The following TRAPPC9 variants were observed in gnomAD, a reference collection of about 807,000 sequenced individuals.
TRAPPC9 encodes the protein trafficking protein particle complex subunit 9, also known as IKK2 binding protein.
Under a neutral mutation model 124.0 loss-of-function variants are expected in TRAPPC9, and 83 were observed. The ratio of observed to expected loss-of-function variants is 0.67; its 90% CI spans 0.56 to 0.80. The LOEUF (loss-of-function observed/expected upper bound fraction) is 0.80. Among genes scored for constraint, TRAPPC9 ranks in the 30% least tolerant of loss-of-function variants. TRAPPC9 has a pLI of 0.00. For synonymous variants in TRAPPC9, 638 were observed against 617.5 expected, an observed-to-expected ratio of 1.03 and a Z score of -0.49; for missense variants, 1,302 against 1,508.3, an observed-to-expected ratio of 0.86 and a Z score of 2.27.
chr8:140,078,794 C>G (rs1843651870), intron 17 of TRAPPC9, among the ~76,000 whole-genome samples: 2 of 152,168 alleles, frequency 1.3e-5, no homozygotes, highest in South Asian at 4.1e-4. Context: ...GCCACCTCCC[C>G]TCCCTGCCCC....
intron 6 of TRAPPC9, among the ~76,000 whole-genome samples, chr8:140,405,008 T>A (rs1323224768): frequency 6.6e-6 from 1 of 151,678 alleles, no homozygotes; most frequent in Non-Finnish European, 1.5e-5. Context: ...ACCAAGTTGT[T>A]AATAAGAGTA....
intron 15 of TRAPPC9, among the ~76,000 whole-genome samples, chr8:140,265,946 TAAAC>T (rs2064637572): frequency 6.6e-6 from 1 of 152,252 alleles, no homozygotes; most frequent in Admixed American, 6.5e-5. Flanking sequence ...GTTAAAATAT[TAAAC>T]AGAAGAATGA....
chr8:140,319,719 C>A (rs1329489967), intron 9 of TRAPPC9, among the ~76,000 whole-genome samples: 1 of 152,196 alleles, frequency 6.6e-6, no homozygotes, highest in Non-Finnish European at 1.5e-5. Context: ...CCACCCACCT[C>A]GGCCTCCCAA....
In TRAPPC9 at chr8:140,316,575, G is replaced by A. The variant is rs186933166; in HGVS notation, c.1496-5201C>T. On this transcript the variant is annotated intron_variant, in intron 9 of 22. Coordinates refer to ENST00000438773, the MANE Select transcript of TRAPPC9 (RefSeq NM_001160372.4). ...GTCACATCTATGTTCAACCATGTTC[G>A]CATCCCTGGGATGAATTCCACTTGA... Among the ~76,000 whole-genome samples, 181 of 152,242 alleles carry A rather than the reference G, an allele frequency of 1.2e-3. 1 individual carries two copies. The highest frequency in any genetic ancestry group is 3.9e-3 in the African/African-American group (161 of 41,550).
intron 19 of TRAPPC9, among the ~76,000 whole-genome samples, chr8:139,922,659 C>G (rs924798349): frequency 6.6e-6 from 1 of 152,214 alleles, no homozygotes; most frequent in Non-Finnish European, 1.5e-5. Flanking sequence ...TGAGGCAGGG[C>G]TTCCTCCCCC....
rs2070705870 is a variant in TRAPPC9 at position 140,433,127 on chromosome 8, C to G, written c.859+1985G>C. Reference sequence around the variant, plus strand: ...GACTAGCCTGGCCAACATGGCGAAACCTCGTCTCTACAAAAATTAGCTGGG... The same window carrying G: ...GACTAGCCTGGCCAACATGGCGAAAGCTCGTCTCTACAAAAATTAGCTGGG... On this transcript the variant is annotated intron_variant, in intron 4 of 22. Coordinates refer to ENST00000438773, the MANE Select transcript of TRAPPC9 (RefSeq NM_001160372.4). Among the ~76,000 whole-genome samples, 3 of 151,102 alleles carry G rather than the reference C, an allele frequency of 2.0e-5. No homozygotes were observed. The South Asian group carries it at 6.3e-4, about 32-fold the overall frequency.
chr8:139,759,754 TC>T (rs1820097592), intron 21 of TRAPPC9, among the ~76,000 whole-genome samples: 1 of 152,128 alleles, frequency 6.6e-6, no homozygotes, highest in African/African-American at 2.4e-5. Context: ...CACCCAGTGC[TC>T]CCAGGAGGGC....
intron 17 of TRAPPC9, among the ~76,000 whole-genome samples, chr8:140,137,213 A>C (rs910755410): frequency 3.9e-5 from 6 of 152,182 alleles, no homozygotes; most frequent in Non-Finnish European, 7.3e-5. Context: ...GCAGTATGCC[A>C]GGAGGGCTCA....
chr8:139,772,870 G>A (rs1183484834), intron 21 of TRAPPC9, among the ~76,000 whole-genome samples: 2 of 152,244 alleles, frequency 1.3e-5, no homozygotes, highest in African/African-American at 4.8e-5. Flanking sequence ...GGAAGACACA[G>A]GAAGAAGGCA....
At chr8:140,083,478 C>T (rs552748119) in intron 17 of TRAPPC9, among the ~76,000 whole-genome samples, 3 of 152,164 alleles carry the variant, frequency 2.0e-5, no homozygotes, top group East Asian at 1.9e-4. Flanking sequence ...GCACACGCAA[C>T]GCAGTACCCA....
chr8:140,002,515 T>G lies in TRAPPC9; in HGVS notation c.2700-13679A>C, dbSNP rs116650804. On this transcript the variant is annotated intron_variant, in intron 18 of 22. Coordinates refer to ENST00000438773, the MANE Select transcript of TRAPPC9 (RefSeq NM_001160372.4). ...AAACAATAGACAGAACAATTAAAAA[T>G]AAAAGAAAAACTCTGAGGACTCAGA... 4.5e-3 allele frequency among the ~76,000 whole-genome samples: 689 copies of G among 151,838 alleles called. 6 individuals are homozygous for G. The highest frequency in any genetic ancestry group is 0.016 in the African/African-American group (651 of 41,454).
At chr8:139,839,121 C>T (rs1826559674) in intron 21 of TRAPPC9, among the ~76,000 whole-genome samples, 1 of 152,232 alleles carries the variant, frequency 6.6e-6, no homozygotes, top group Admixed American at 6.5e-5. Context: ...ATAACCCTCC[C>T]AGGTCTGACT....
At chr8:140,380,080 T>C (rs1233387219) in intron 7 of TRAPPC9, among the ~76,000 whole-genome samples, 1 of 152,068 alleles carries the variant, frequency 6.6e-6, no homozygotes, top group Non-Finnish European at 1.5e-5. Context: ...TTTGGAGAAA[T>C]TGACAAGCTT....
At chr8:140,217,329 T>A (rs2063220098) in intron 17 of TRAPPC9, among the ~76,000 whole-genome samples, 1 of 152,128 alleles carries the variant, frequency 6.6e-6, no homozygotes, top group Non-Finnish European at 1.5e-5. Context: ...AAGTCTGGAA[T>A]GGCACAAGGA....
upstream of TRAPPC9, chr8:140,457,747 C>T (rs1338611076): frequency 2.0e-5 from 20 of 994,010 alleles, no homozygotes; most frequent in Non-Finnish European, 2.3e-5. Flanking sequence ...TTCCTACTGG[C>T]GGCCGAGCCG....
chr8:140,105,269 T>C (rs530381963), intron 17 of TRAPPC9, among the ~76,000 whole-genome samples: 53 of 152,340 alleles, frequency 3.5e-4, no homozygotes, highest in African/African-American at 1.2e-3. Flanking sequence ...AAATGGTCTA[T>C]AAATATATGG....
intron 17 of TRAPPC9, among the ~76,000 whole-genome samples, chr8:140,114,798 A>C (rs148077978): frequency 1.3e-5 from 2 of 152,316 alleles, no homozygotes; most frequent in South Asian, 2.1e-4. Context: ...AAGGAAGTGA[A>C]AGGAGCCAAG....
chr8:140,287,411 G>A (rs529921352), intron 13 of TRAPPC9, among the ~76,000 whole-genome samples, 197 bp downstream of exon 13: 1 of 152,216 alleles, frequency 6.6e-6, no homozygotes, highest in Admixed American at 6.5e-5. Flanking sequence ...TCAGAGCACA[G>A]GAAGGACCCC....
At chr8:140,436,384 G>A (rs2070814679) in intron 3 of TRAPPC9, among the ~76,000 whole-genome samples, 1 of 152,200 alleles carries the variant, frequency 6.6e-6, no homozygotes, top group Admixed American at 6.5e-5. Flanking sequence ...AGCTTGTCAT[G>A]TGTTAACAGT....
Sources: allele counts gnomAD v4.1 joint callset (sites outside exome capture counted in the v4.1 genomes callset), GRCh38; gene constraint gnomAD v4.1.1; transcripts MANE v1.5; gene names NCBI Gene and HGNC (gene_info 2026-07-23, HGNC 2026-07-21).